CLIC4: variants seen among roughly 807,000 people sequenced by gnomAD.
CLIC4 encodes chloride intracellular channel protein 4.
Under a neutral mutation model 24.6 loss-of-function variants are expected in CLIC4, and 13 were observed. That is an observed-to-expected ratio of 0.53 (90% CI 0.34 to 0.84). CLIC4 has a LOEUF of 0.84. CLIC4 is among the 40% of genes least tolerant of loss of function. The pLI is 0.01. For synonymous variants in CLIC4, 104 were observed against 111.3 expected (o/e 0.93, Z 0.41); for missense variants, 227 against 301.7 (o/e 0.75, Z 1.83).
chr1:24,768,083 C>T (rs1183250912), intron 1 of CLIC4, among the ~76,000 whole-genome samples: 3 of 151,964 alleles, frequency 2.0e-5, no homozygotes, highest in Admixed American at 6.6e-5. Context: ...TGAGGTGATC[C>T]GCCCTCCTTG....
rs910599843 is a variant in CLIC4, at chr1:24,837,970, A to G, written c.416-1890A>G. On this transcript the variant is annotated intron_variant, in intron 4 of 5. Coordinates refer to ENST00000374379, the MANE Select transcript of CLIC4 (RefSeq NM_013943.3). ...ATTTATGTTCTCATAACTTCTAAACACGTTGCTCCAGCTCAGTGCGTGACA... is the reference window on the plus strand; with the variant it reads ...ATTTATGTTCTCATAACTTCTAAACGCGTTGCTCCAGCTCAGTGCGTGACA... Among the ~76,000 whole-genome samples the G allele has an allele frequency of 4.8e-4, 73 of 152,154 alleles. 1 individual carries two copies. The highest frequency in any genetic ancestry group is 5.9e-5 in the Non-Finnish European group (4 of 68,014).
At chr1:24,749,424 G>C (rs1387367401) in intron 1 of CLIC4, among the ~76,000 whole-genome samples, 1 of 152,148 alleles carries the variant, frequency 6.6e-6, no homozygotes, top group African/African-American at 2.4e-5. Context: ...ATGGGGCTTT[G>C]AGCCTACCTG....
intron 1 of CLIC4, among the ~76,000 whole-genome samples, chr1:24,786,865 G>A (rs1423007492): frequency 4.6e-5 from 7 of 151,918 alleles, no homozygotes; most frequent in East Asian, 2.0e-4. Flanking sequence ...TGATCCGCCC[G>A]CCTTGGCCTC....
intron 1 of CLIC4, among the ~76,000 whole-genome samples, chr1:24,775,951 G>A (rs1393181147): frequency 6.6e-6 from 1 of 150,796 alleles, no homozygotes; most frequent in African/African-American, 2.4e-5. Flanking sequence ...ATTTTGTTAT[G>A]CCCGTCTTAA....
chr1:24,807,320 T>C (rs139695765), intron 2 of CLIC4, among the ~76,000 whole-genome samples: 62 of 152,138 alleles, frequency 4.1e-4, no homozygotes, highest in African/African-American at 1.3e-3. Context: ...AATAAATTTT[T>C]GGTGCTGCAA....
intron 2 of CLIC4, among the ~76,000 whole-genome samples, chr1:24,808,830 C>T (rs1639583612): frequency 6.6e-6 from 1 of 151,972 alleles, no homozygotes; most frequent in Non-Finnish European, 1.5e-5. Flanking sequence ...GCACCCACCA[C>T]CACGCCTGAC....
chr1:24,748,503 T>TTG (rs1311439361), intron 1 of CLIC4, among the ~76,000 whole-genome samples: 38 of 139,762 alleles, frequency 2.7e-4, no homozygotes, highest in East Asian at 2.6e-3. Flanking sequence ...TTTTTTGTTT[T>TTG]TTTTTTTTTT....
At chr1:24,804,268 T>C (rs1639521627) in intron 2 of CLIC4, among the ~76,000 whole-genome samples, 1 of 151,916 alleles carries the variant, frequency 6.6e-6, no homozygotes, top group African/African-American at 2.4e-5. Context: ...TGACTTGAGC[T>C]ACATGAAGCA....
chr1:24,821,349 A>G (rs543184866), intron 3 of CLIC4, among the ~76,000 whole-genome samples: 12 of 152,222 alleles, frequency 7.9e-5, no homozygotes, highest in Non-Finnish European at 1.6e-4. Context: ...CCTTGAAAAC[A>G]AACATTTTCA....
chr1:24,814,334 A>G (rs3890756), intron 3 of CLIC4, 115 bp downstream of exon 3: 365,966 of 1,170,832 alleles, frequency 0.31, 59,676 homozygotes, highest in Middle Eastern at 0.5. Flanking sequence ...ACTCTCTTCT[A>G]TGTTTCTTAT....
At chr1:24,748,512 T>TTG (rs1426060532) in intron 1 of CLIC4, among the ~76,000 whole-genome samples, 6 of 144,808 alleles carry the variant, frequency 4.1e-5, no homozygotes, top group Non-Finnish European at 6.1e-5. Context: ...TTTTTTTTTT[T>TTG]TTTTTTTTTT....
chr1:24,772,675 G>T (rs1196667255), intron 1 of CLIC4, among the ~76,000 whole-genome samples: 1 of 152,102 alleles, frequency 6.6e-6, no homozygotes, highest in African/African-American at 2.4e-5. Flanking sequence ...TAGTAGAGAC[G>T]GGGTTTCACC....
Position 24,805,095 on chromosome 1 carries a change from A to AAC in CLIC4, c.182+7245_182+7246insCA, listed in dbSNP as rs1553192958. On this transcript the variant is annotated intron_variant, in intron 2 of 5. Transcript: ENST00000374379. Reference sequence around the variant, plus strand: ...GAGTGAGACTCCATGTCAAAAAAAAAAAAAAAAAAACACAAAAACAAAGAC... The same window carrying AAC: ...GAGTGAGACTCCATGTCAAAAAAAAAACAAAAAAAAAACACAAAAACAAAGAC... Among the ~76,000 whole-genome samples, 4 of 142,370 alleles carry AAC rather than the reference A, an allele frequency of 2.8e-5. 1 individual carries two copies. Among genetic ancestry groups the AAC allele is most frequent in the African/African-American group, 7.6e-5 (3 of 39,304 alleles). 93.4% of individuals were successfully genotyped at this position (142,370 alleles called of 152,430 possible).
intron 1 of CLIC4, among the ~76,000 whole-genome samples, chr1:24,757,017 T>C (rs1383956500): frequency 1.3e-5 from 2 of 152,138 alleles, no homozygotes; most frequent in Non-Finnish European, 2.9e-5. Flanking sequence ...TGCCTCAGCC[T>C]CCCAAGTAGC....
intron 4 of CLIC4, among the ~76,000 whole-genome samples, chr1:24,827,737 C>G (rs915673783): frequency 1.3e-5 from 2 of 151,938 alleles, no homozygotes; most frequent in Non-Finnish European, 1.5e-5. Flanking sequence ...AGTACAGATG[C>G]AATTTTCTTT....
At chr1:24,786,445 G>C (rs903416928) in intron 1 of CLIC4, among the ~76,000 whole-genome samples, 8 of 152,184 alleles carry the variant, frequency 5.3e-5, no homozygotes, top group African/African-American at 1.9e-4. Context: ...GGTGTGAAGG[G>C]AAGAGGGTGA....
chr1:24,841,945 AT>A lies in CLIC4; in HGVS notation c.*1013del, dbSNP rs1339142142. The A allele has an allele frequency of 5.9e-5, 9 of 152,630 alleles. No individual in the cohort carries two copies. Among genetic ancestry groups the A allele is most frequent in the Non-Finnish European group, 1.2e-4 (8 of 68,022 alleles). 9.5% of individuals were successfully genotyped at this position (152,630 alleles called of 1,614,324 possible). On this transcript the variant is annotated 3_prime_UTR_variant, in exon 6 of 6. Coordinates refer to ENST00000374379, the MANE Select transcript of CLIC4 (RefSeq NM_013943.3). ...GTGGGTTTGTCAAAATATCAAGTAA[AT>A]TTTTGTTTCTAAAGTACATTTAATG...
At chr1:24,831,698 G>A (rs1639842401) in intron 4 of CLIC4, among the ~76,000 whole-genome samples, 1 of 152,156 alleles carries the variant, frequency 6.6e-6, no homozygotes, top group Admixed American at 6.5e-5. Flanking sequence ...GAGTGCAGTG[G>A]CACGATCTCG....
intron 3 of CLIC4, among the ~76,000 whole-genome samples, chr1:24,820,489 C>T (rs767858406): frequency 6.6e-6 from 1 of 150,538 alleles, no homozygotes; most frequent in East Asian, 2.0e-4. Context: ...GTCTCAAACT[C>T]ATGGACACAA....
Sources: gnomAD v4.1 joint callset for allele counts (sites outside exome capture counted in the v4.1 genomes callset) on GRCh38, gnomAD v4.1.1 for gene constraint, MANE v1.5 for transcripts, NCBI Gene and HGNC (gene_info 2026-07-23, HGNC 2026-07-21) for gene names.